The following RAB11FIP3 variants were observed in gnomAD, a reference collection of about 807,000 sequenced individuals.
The protein encoded by RAB11FIP3 is rab11 family-interacting protein 3.
RAB11FIP3 carries 17 observed loss-of-function variants against 77.8 expected under a neutral mutation model. That is an observed-to-expected ratio of 0.22 (90% CI 0.15 to 0.33). RAB11FIP3 has a LOEUF of 0.33. Ranked by LOEUF, RAB11FIP3 falls within the 10% of genes least tolerant of loss-of-function variation. RAB11FIP3 has a pLI of 1.00. For missense variants in RAB11FIP3, 1,005 were observed against 1,011.2 expected (o/e 0.99, Z 0.08); for synonymous variants, 437 against 448.2 (o/e 0.98, Z 0.31).
In RAB11FIP3 at chr16:505,369, G is replaced by A. The variant is rs569011046; in HGVS notation, c.1396-155G>A. On this transcript the variant is annotated intron_variant, in intron 7 of 13. Coordinates refer to ENST00000262305, the MANE Select transcript of RAB11FIP3 (RefSeq NM_014700.4). This position sits in a 1 kb window ranked among gnomAD's most constrained non-coding sequence, Gnocchi z 4.0. ...CCCATTAGGAGCTGCACCTTTGTGG[G>A]TTTATGGGACAAGTTGGATCCAACA... Among the ~76,000 whole-genome samples the A allele has an allele frequency of 1.3e-5, 2 of 152,312 alleles. No individual in the cohort carries two copies. Among genetic ancestry groups the A allele is most frequent in the East Asian group, 1.9e-4 (1 of 5,176 alleles).
chr16:455,003 TTG>T (rs1421139983), intron 1 of RAB11FIP3, among the ~76,000 whole-genome samples: 1 of 149,774 alleles, frequency 6.7e-6, no homozygotes, highest in South Asian at 2.1e-4. Context: ...TGAGCCGAGA[TTG>T]CACTACTGCA....
At chr16:441,663 C>T (rs986201039) in intron 1 of RAB11FIP3, among the ~76,000 whole-genome samples, 2 of 152,204 alleles carry the variant, frequency 1.3e-5, no homozygotes, top group African/African-American at 4.8e-5. Context: ...GGCTGGAGCC[C>T]TCTGCCCCAT....
intron 3 of RAB11FIP3, chr16:477,803 C>A: frequency 2.2e-6 from 1 of 447,854 alleles, no homozygotes; most frequent in Non-Finnish European, 3.0e-6. Context: ...AGTAGGTACA[C>A]TTCACAGCAC....
Position 426,495 on chromosome 16 carries a change from C to G in RAB11FIP3, c.489C>G (p.Pro163=). ...GGGGCGAGGTCGACGTCTTCTCTCC[C>G]TTCCCCGCGCCCACGGCGGGCGAGC... The part of the protein sequence containing the change: ...RARGEVDVFS[P]FPAPTAGELA... The change falls in exon 1 of 14, where the codon CCC becomes CCG. Residue 163 remains proline (P), a synonymous_variant. Transcript: ENST00000262305. This position sits in a 1 kb window ranked among gnomAD's most constrained non-coding sequence, Gnocchi z 5.0. 6.3e-7 allele frequency: 1 copy of G among 1,579,872 alleles called. No individual in the cohort carries two copies. Among genetic ancestry groups the G allele is most frequent in the East Asian group, 2.3e-5 (1 of 43,388 alleles).
chr16:490,378 G>C (rs976211144), intron 5 of RAB11FIP3, among the ~76,000 whole-genome samples: 1 of 152,196 alleles, frequency 6.6e-6, no homozygotes, highest in Non-Finnish European at 1.5e-5. Flanking sequence ...CTTTTTGGGG[G>C]TTTTTTGAGA....
Position 493,193 on chromosome 16 carries a change from G to T in RAB11FIP3, c.1266-3631G>T, listed in dbSNP as rs1012108436. On this transcript the variant is annotated intron_variant, in intron 5 of 13. Coordinates refer to ENST00000262305, the MANE Select transcript of RAB11FIP3 (RefSeq NM_014700.4). ...TTGAACCCAGGAGGTGGAGGCTGTGGTGAGCCAACATCCTGCCACTGCACT... is the reference window on the plus strand; with the variant it reads ...TTGAACCCAGGAGGTGGAGGCTGTGTTGAGCCAACATCCTGCCACTGCACT... Among the ~76,000 whole-genome samples, 9 of 149,658 alleles carry T rather than the reference G, an allele frequency of 6.0e-5. No homozygotes were observed. The East Asian group carries it at 1.8e-3, about 30-fold the overall frequency.
intron 1 of RAB11FIP3, among the ~76,000 whole-genome samples, chr16:440,016 A>G (rs1032484280): frequency 2.0e-5 from 3 of 151,624 alleles, no homozygotes; most frequent in Admixed American, 2.0e-4. Flanking sequence ...AATTTTTTGT[A>G]TTTTTAGTAG....
intron 2 of RAB11FIP3, among the ~76,000 whole-genome samples, chr16:463,429 G>A (rs2055649251): frequency 7.6e-6 from 1 of 131,176 alleles, no homozygotes; most frequent in Non-Finnish European, 1.6e-5. Flanking sequence ...GTTGTTCCCC[G>A]GTTTTTTTTT....
In RAB11FIP3 at chr16:471,461, G is replaced by A; in HGVS notation, c.903+72G>A. 1 of 1,267,882 alleles carries A rather than the reference G, an allele frequency of 7.9e-7. No homozygotes were observed. The highest frequency in any genetic ancestry group is 1.1e-6 in the Non-Finnish European group (1 of 888,812). The allele number at this position is 1,267,882 out of a possible 1,614,324, so 78.5% of individuals were successfully genotyped here. ...TCTTCCTTTATGCCCTACAGCTCGT[G>A]CCTCCTGCCTCCGGGCTGTCTTCCG... On this transcript the variant is annotated intron_variant, in intron 3 of 13. Transcript: ENST00000262305. This position sits in a 1 kb window ranked among gnomAD's most constrained non-coding sequence, Gnocchi z 4.4.
chr16:465,901 G>A (rs553322747), intron 2 of RAB11FIP3, among the ~76,000 whole-genome samples: 1 of 152,302 alleles, frequency 6.6e-6, no homozygotes, highest in South Asian at 2.1e-4. Context: ...CACCGCGCCC[G>A]GCCAGCAGTG....
At chr16:513,083 C>T (rs774315447) in intron 9 of RAB11FIP3, among the ~76,000 whole-genome samples, 7 of 152,118 alleles carry the variant, frequency 4.6e-5, no homozygotes, top group South Asian at 4.1e-4. Flanking sequence ...TTGCAAGGGA[C>T]GGTTATTGAT....
At chr16:491,414 C>T (rs552893057) in intron 5 of RAB11FIP3, 11 of 828,226 alleles carry the variant, frequency 1.3e-5, no homozygotes, top group African/African-American at 1.1e-4. Flanking sequence ...TCCCACCCTG[C>T]ACGCTGTGGG....
intron 2 of RAB11FIP3, among the ~76,000 whole-genome samples, chr16:467,948 G>GGGA (rs1218350274): frequency 9.5e-6 from 1 of 105,502 alleles, no homozygotes. Flanking sequence ...AGGGGCGTCA[G>GGGA]GGAGGAGGTG....
At chr16:453,897 G>A (rs1377410924) in intron 1 of RAB11FIP3, among the ~76,000 whole-genome samples, 1 of 152,134 alleles carries the variant, frequency 6.6e-6, no homozygotes, top group Middle Eastern at 3.4e-3. Context: ...ACCCGGCCAA[G>A]GAAGCTATTT....
chr16:521,505 C>G lies in RAB11FIP3; in HGVS notation c.*666C>G, dbSNP rs1020146565. ...GCCAGATGTGGTCACCTCAGTCCAG[C>G]TCTGGGGCCTCCAGGCCATGTGGCT... On this transcript the variant is annotated 3_prime_UTR_variant, in exon 14 of 14. Coordinates refer to ENST00000262305, the MANE Select transcript of RAB11FIP3 (RefSeq NM_014700.4). 1 of 152,942 alleles carries G rather than the reference C, an allele frequency of 6.5e-6. No homozygotes were observed. Among genetic ancestry groups the G allele is most frequent in the African/African-American group, 2.4e-5 (1 of 41,470 alleles). 9.5% of individuals were successfully genotyped at this position (152,942 alleles called of 1,614,324 possible).
Position 505,673 on chromosome 16 carries a change from TG to T in RAB11FIP3, c.1499+47del. On this transcript the variant is annotated intron_variant, in intron 8 of 13. Transcript: ENST00000262305. The surrounding 1 kb of genome is among the most constrained non-coding windows in gnomAD (Gnocchi z 4.0). ...CCGGGCCTCTGCGTGGCGCCTCCTG[TG>T]CCCGCCTGTCAGCCCCCATTTACTT... The T allele has an allele frequency of 6.9e-7, 1 of 1,444,780 alleles. No individual in the cohort carries two copies. The highest frequency in any genetic ancestry group is 9.4e-7 in the Non-Finnish European group (1 of 1,066,000). 89.5% of individuals were successfully genotyped at this position (1,444,780 alleles called of 1,614,324 possible). A position where few individuals can be genotyped will look rare whatever the true frequency, so the allele number is the denominator to read the frequency against.
In RAB11FIP3 at chr16:503,012, A is replaced by G; in HGVS notation, c.1310A>G (p.His437Arg). The G allele has an allele frequency of 6.2e-7, 1 of 1,611,522 alleles. No individual in the cohort carries two copies. The highest frequency in any genetic ancestry group is 8.5e-7 in the Non-Finnish European group (1 of 1,178,324). ...LSSKKVARYLHQSGALTMEAL... is the reference protein window; with the variant it reads ...LSSKKVARYLRQSGALTMEAL... ...TTGTGCCTTTTCTGTAGGTACCTGC[A>G]CCAGTCAGGGGCCCTGACCATGGAG... Residue 437 changes from histidine to arginine, a missense_variant, in exon 7 of 14, where the codon CAC (histidine) becomes CGC (arginine). Physicochemically the swap from His to Arg is conservative, Grantham distance 29. Around this residue, in one of 4 missense-constraint regions of RAB11FIP3, gnomAD observed 433 missense variants for 436.1 expected, o/e 0.99. Transcript: ENST00000262305.
Position 505,235 on chromosome 16 carries a change from G to A in RAB11FIP3, c.1396-289G>A. Among the ~76,000 whole-genome samples, 1 of 152,004 alleles carries A rather than the reference G, an allele frequency of 6.6e-6. No individual in the cohort carries two copies. Among genetic ancestry groups the A allele is most frequent in the African/African-American group, 2.4e-5 (1 of 41,382 alleles). On this transcript the variant is annotated intron_variant, in intron 7 of 13. Transcript: ENST00000262305. The surrounding 1 kb of genome is among the most constrained non-coding windows in gnomAD (Gnocchi z 4.0). ...ACTGTGTGTTGGGGGGCTGAGTCTTGCTGCCCACCAGCCAGCCAGTCCAAA... is the reference window on the plus strand; with the variant it reads ...ACTGTGTGTTGGGGGGCTGAGTCTTACTGCCCACCAGCCAGCCAGTCCAAA...
intron 6 of RAB11FIP3, chr16:497,310 G>C (rs1223047797): frequency 3.8e-6 from 5 of 1,304,048 alleles, no homozygotes; most frequent in African/African-American, 1.5e-5. Context: ...AGATCTGTTG[G>C]CTTCCTGCTG....
Sources: allele counts gnomAD v4.1 joint callset (sites outside exome capture counted in the v4.1 genomes callset), GRCh38; gene constraint gnomAD v4.1.1; regional missense constraint gnomAD v4.1.1; non-coding constraint Gnocchi (gnomAD v3.1); transcripts MANE v1.5; gene names NCBI Gene and HGNC (gene_info 2026-07-23, HGNC 2026-07-21).